SFXN1: variants seen among roughly 807,000 people sequenced by gnomAD.
SFXN1 encodes sideroflexin 1.
SFXN1 carries 32 observed loss-of-function variants against 39.5 expected under a neutral mutation model. The ratio of observed to expected loss-of-function variants is 0.81; its 90% CI spans 0.61 to 1.09. The LOEUF (loss-of-function observed/expected upper bound fraction) is 1.09, where lower values mean the gene tolerates loss of function less well. SFXN1 is among the 50% of genes least tolerant of loss of function. The pLI, the probability that SFXN1 is intolerant of heterozygous loss-of-function variation, is 0.00. For synonymous variants in SFXN1, 136 were observed against 146.5 expected (o/e 0.93, Z 0.52); for missense variants, 402 against 407.1 (o/e 0.99, Z 0.11).
chr5:175,479,645 C>T (rs1352006876), intron 1 of SFXN1, among the ~76,000 whole-genome samples: 1 of 152,162 alleles, frequency 6.6e-6, no homozygotes, highest in African/African-American at 2.4e-5. Context: ...GCCTATCTAT[C>T]CCCTGCGCAT....
In SFXN1 at chr5:175,479,901, C is replaced by G. The variant is rs192677088; in HGVS notation, c.-10+1262C>G. Among the ~76,000 whole-genome samples, 3 of 152,278 alleles carry G rather than the reference C, an allele frequency of 2.0e-5. No individual in the cohort carries two copies. The East Asian group carries it at 5.8e-4, about 29-fold the overall frequency. On this transcript the variant is annotated intron_variant, in intron 1 of 10. Transcript: ENST00000321442. ...CTTTGTCCATCCCCCTTTTACTGAT[C>G]TGCTTCAGTGTTCTAGGCATTGTTA...
intron 6 of SFXN1, 41 bp downstream of exon 6, chr5:175,512,237 C>G: frequency 6.5e-7 from 1 of 1,537,690 alleles, no homozygotes. Context: ...ATGTGCTTGA[C>G]AGGAGAGTCT....
intron 6 of SFXN1, among the ~76,000 whole-genome samples, chr5:175,513,256 G>A (rs1482127500): frequency 7.8e-6 from 1 of 127,798 alleles, no homozygotes; most frequent in African/African-American, 3.0e-5. Context: ...AGTGGAGATA[G>A]CCACCACTAC....
chr5:175,493,456 C>T (rs57499990), intron 2 of SFXN1, among the ~76,000 whole-genome samples: 1 of 152,056 alleles, frequency 6.6e-6, no homozygotes, highest in East Asian at 1.9e-4. Flanking sequence ...GAGAGAGAAC[C>T]GACGACAGTC....
intron 3 of SFXN1, 70 bp downstream of exon 3, chr5:175,509,272 A>G: frequency 6.8e-7 from 1 of 1,463,102 alleles, no homozygotes; most frequent in South Asian, 1.4e-5. Context: ...TTGTATGTAA[A>G]TAATTTTGTT....
intron 2 of SFXN1, 184 bp downstream of exon 2, chr5:175,492,451 A>G: frequency 3.7e-6 from 2 of 536,410 alleles, no homozygotes; most frequent in Non-Finnish European, 3.2e-6. Flanking sequence ...CTCGCCCTTA[A>G]CACAGATATC....
At chr5:175,498,770 A>G (rs1177007031) in intron 2 of SFXN1, among the ~76,000 whole-genome samples, 1 of 152,208 alleles carries the variant, frequency 6.6e-6, no homozygotes, top group Non-Finnish European at 1.5e-5. Context: ...ACATTCTATG[A>G]ATACAGTATA....
At chr5:175,488,594 C>T (rs1475146098) in intron 1 of SFXN1, among the ~76,000 whole-genome samples, 13 of 152,138 alleles carry the variant, frequency 8.5e-5, no homozygotes, top group African/African-American at 2.9e-4. Flanking sequence ...CCACCACGCC[C>T]GGCCGACACC....
At chr5:175,493,621 G>A (rs575977438) in intron 2 of SFXN1, among the ~76,000 whole-genome samples, 1 of 152,264 alleles carries the variant, frequency 6.6e-6, no homozygotes, top group African/African-American at 2.4e-5. Flanking sequence ...AAGTTGAGAT[G>A]AAAAGACAAC....
intron 8 of SFXN1, among the ~76,000 whole-genome samples, chr5:175,519,931 A>G (rs1273119238): frequency 7.0e-6 from 1 of 143,516 alleles, no homozygotes; most frequent in Non-Finnish European, 1.5e-5. Flanking sequence ...GTGCAATGAC[A>G]TAACCTTGGC....
chr5:175,491,999 A>G, intron 1 of SFXN1, 96 bp from the exon 2 acceptor site: 3 of 820,604 alleles, frequency 3.7e-6, no homozygotes, highest in Non-Finnish European at 3.7e-6. Flanking sequence ...AAGAGTATGT[A>G]CATATTTACT....
At chr5:175,503,640 A>AC (rs1760166224) in intron 2 of SFXN1, among the ~76,000 whole-genome samples, 2 of 152,220 alleles carry the variant, frequency 1.3e-5, no homozygotes, top group South Asian at 4.1e-4. Context: ...TGCATATCCC[A>AC]CATCAGTAGT....
chr5:175,515,795 A>G (rs560934562), intron 7 of SFXN1, among the ~76,000 whole-genome samples: 1 of 152,204 alleles, frequency 6.6e-6, no homozygotes, highest in Non-Finnish European at 1.5e-5. Context: ...CGTTAAATGT[A>G]TTGTGTACTT....
intron 1 of SFXN1, among the ~76,000 whole-genome samples, chr5:175,490,407 C>T (rs1759612963): frequency 1.3e-5 from 2 of 152,316 alleles, no homozygotes; most frequent in South Asian, 4.1e-4. Context: ...TTCCTCACAT[C>T]TGCAGACCTA....
At chr5:175,504,721 A>G (rs1760221212) in intron 2 of SFXN1, among the ~76,000 whole-genome samples, 1 of 152,106 alleles carries the variant, frequency 6.6e-6, no homozygotes, top group African/African-American at 2.4e-5. Context: ...TTCACTTCAT[A>G]AGAACAATTT....
intron 5 of SFXN1, among the ~76,000 whole-genome samples, chr5:175,511,859 C>G (rs1223240829): frequency 1.3e-5 from 2 of 150,268 alleles, no homozygotes; most frequent in African/African-American, 4.9e-5. Flanking sequence ...CTCTCTCTCT[C>G]TCTCCCCACT....
At chr5:175,522,119 G>A (rs1173794253) in intron 9 of SFXN1, 151 bp downstream of exon 9, 1 of 687,416 alleles carries the variant, frequency 1.5e-6, no homozygotes, top group Non-Finnish European at 2.3e-6. Context: ...TTAAATAGAA[G>A]TAAACTGTCT....
Position 175,513,513 on chromosome 5 carries a change from G to T in SFXN1, c.647G>T (p.Gly216Val), listed in dbSNP as rs781228529. 4 of 1,613,948 alleles carry T rather than the reference G, an allele frequency of 2.5e-6. No individual in the cohort carries two copies. The Admixed American group carries it at 6.7e-5, about 27-fold the overall frequency. ...ACGGATGAGAATGGGAACCGCTTGG[G>T]GGAGTCGGCGAACGCTGCGAAACAA... is the stretch of plus-strand genomic sequence containing the variant. ...PVTDENGNRL[G>V]ESANAAKQAI... The change falls in exon 7 of 11, where the codon GGG becomes GTG. Residue 216 changes from glycine to valine, a missense_variant. Physicochemically the swap from Gly to Val is moderately radical, Grantham distance 109. Transcript: ENST00000321442.
At chr5:175,506,231 G>A (rs1177469671) in intron 2 of SFXN1, among the ~76,000 whole-genome samples, 1 of 152,164 alleles carries the variant, frequency 6.6e-6, no homozygotes, top group Non-Finnish European at 1.5e-5. Context: ...AATCTTTCTA[G>A]ATAGAAACTT....
Sources: gnomAD v4.1 joint callset for allele counts (sites outside exome capture counted in the v4.1 genomes callset) on GRCh38, gnomAD v4.1.1 for gene constraint, MANE v1.5 for transcripts, NCBI Gene and HGNC (gene_info 2026-07-23, HGNC 2026-07-21) for gene names.